Variants in MYO1F observed in about 807,000 individuals in gnomAD.
MYO1F encodes the protein myosin IF.
MYO1F carries 60 observed loss-of-function variants against 146.6 expected under a neutral mutation model. The observed-to-expected ratio is 0.41, with a 90% CI of 0.33 to 0.51. The LOEUF is 0.51. Ranked by LOEUF, MYO1F falls within the 20% of genes least tolerant of loss-of-function variation. The pLI, the probability that MYO1F is intolerant of heterozygous loss-of-function variation, is 0.25. For missense variants in MYO1F, 1,274 were observed against 1,534.3 expected (o/e 0.83, Z 2.83); for synonymous variants, 602 against 602.1 (o/e 1.00, Z 0.00).
chr19:8,537,098 G>A, intron 16 of MYO1F, 43 bp from the exon 17 acceptor site: 1 of 1,331,734 alleles, frequency 7.5e-7, no homozygotes. Context: ...GCACAGAGAT[G>A]GGACCCTCTG....
intron 4 of MYO1F, among the ~76,000 whole-genome samples, chr19:8,553,894 A>ACACACACACACACACT: frequency 7.8e-5 from 8 of 102,666 alleles, no homozygotes; most frequent in African/African-American, 2.5e-4. Flanking sequence ...ACACACACAC[A>ACACACACACACACACT]CTCTCTCTCT....
intron 23 of MYO1F, 22 bp from the exon 24 acceptor site, chr19:8,526,623 TG>T (rs935909785): frequency 6.3e-7 from 1 of 1,575,016 alleles, no homozygotes; most frequent in African/African-American, 1.3e-5. Flanking sequence ...GAAGAAAGCT[TG>T]GGGGCGCTGG....
chr19:8,543,351 A>G (rs1018088441), intron 14 of MYO1F, among the ~76,000 whole-genome samples: 1 of 151,908 alleles, frequency 6.6e-6, no homozygotes, highest in African/African-American at 2.4e-5. Flanking sequence ...AGCCTTCGGT[A>G]GGGGTCTGTA....
chr19:8,574,434 C>T (rs893179440), intron 1 of MYO1F, among the ~76,000 whole-genome samples: 3 of 152,192 alleles, frequency 2.0e-5, no homozygotes, highest in African/African-American at 7.2e-5. Flanking sequence ...ATTTTTGGCA[C>T]CAGAGACCGG....
intron 19 of MYO1F, among the ~76,000 whole-genome samples, chr19:8,533,253 T>G (rs1254322737): frequency 6.6e-6 from 1 of 152,048 alleles, no homozygotes; most frequent in East Asian, 1.9e-4. Context: ...CGTCTGGAAC[T>G]CCTGGGCTCA....
Position 8,555,524 on chromosome 19 carries a change from C to G in MYO1F, c.141+135G>C, listed in dbSNP as rs893985203. ...CCCCAACCAGAGCCCTGCTGTCACT[C>G]TGTCTGTCCTCTGTGTCACCACTTG... On this transcript the variant is annotated intron_variant, in intron 2 of 27. Coordinates refer to ENST00000644032, the MANE Select transcript of MYO1F (RefSeq NM_012335.4). 4.9e-6 allele frequency: 6 copies of G among 1,222,640 alleles called. No individual in the cohort carries two copies. In the East Asian group the frequency reaches 1.5e-4, roughly 30 times the overall value. The allele number at this position is 1,222,640 out of a possible 1,614,324, so 75.7% of individuals were successfully genotyped here.
Position 8,552,092 on chromosome 19 carries a change from C to T in MYO1F, c.577G>A (p.Glu193Lys), listed in dbSNP as rs1299092338. The stretch of plus-strand genomic sequence containing the variant: ...TTTTGCATGACCACGCGGGACTTCT[C>T]CAGCAAGAAGTTGGAGATCTTGCCC... ...DGGKISNFLL[E>K]KSRVVMQNEN... The change falls in exon 7 of 28, where the codon GAG (glutamate) becomes AAG (lysine). Residue 193 changes from glutamate to lysine, a missense_variant. Physicochemically the swap from Glu to Lys is moderately conservative, Grantham distance 56. Coordinates refer to ENST00000644032, the MANE Select transcript of MYO1F (RefSeq NM_012335.4). The T allele has an allele frequency of 6.2e-7, 1 of 1,613,946 alleles. No homozygotes were observed. The highest frequency in any genetic ancestry group is 8.5e-7 in the Non-Finnish European group (1 of 1,180,026).
At chr19:8,557,698 G>C (rs763785570) in intron 1 of MYO1F, among the ~76,000 whole-genome samples, 1 of 152,172 alleles carries the variant, frequency 6.6e-6, no homozygotes, top group Non-Finnish European at 1.5e-5. Context: ...GCAGGGCACA[G>C]AGTGCTTGGG....
rs758097575 is a variant in MYO1F, at chr19:8,544,443, C to T, written c.1378G>A (p.Val460Ile). ...NKLSPPGIMS[V>I]LDDVCATMHA... is the part of the protein sequence containing the mutation. Reference sequence around the variant, plus strand: ...ATGGTGGCGCACACGTCGTCCAAGACGCTCATGATGCCTGGGGGGCTCTGC... The same window carrying T: ...ATGGTGGCGCACACGTCGTCCAAGATGCTCATGATGCCTGGGGGGCTCTGC... Residue 460 changes from valine (V) to isoleucine (I), a missense_variant, in exon 14 of 28, where the codon GTC becomes ATC. Coordinates refer to ENST00000644032, the MANE Select transcript of MYO1F (RefSeq NM_012335.4). 103 of 1,611,408 alleles carry T rather than the reference C, an allele frequency of 6.4e-5. No homozygotes were observed. In the South Asian group the frequency reaches 7.2e-4, roughly 11 times the overall value.
At chr19:8,534,971 G>A (rs1030461837) in intron 19 of MYO1F, among the ~76,000 whole-genome samples, 6 of 151,808 alleles carry the variant, frequency 4.0e-5, no homozygotes, top group Non-Finnish European at 7.4e-5. Context: ...GAGTGCAGTG[G>A]CACGATCTTG....
rs544205106 is a variant in MYO1F, at chr19:8,541,864, G to T, written c.1610+42C>A. 55 of 1,557,710 alleles carry T rather than the reference G, an allele frequency of 3.5e-5. No homozygotes were observed. In the East Asian group the frequency reaches 4.7e-4, roughly 13 times the overall value. ...GGCCCGGTCCTCCCTCCATCCCCTT[G>T]GGGGGTTGTAGCCGGAGGTCCCCAT... On this transcript the variant is annotated intron_variant, in intron 15 of 27. Coordinates refer to ENST00000644032, the MANE Select transcript of MYO1F (RefSeq NM_012335.4).
At chr19:8,533,776 G>A (rs771847570) in intron 19 of MYO1F, among the ~76,000 whole-genome samples, 1 of 152,186 alleles carries the variant, frequency 6.6e-6, no homozygotes, top group African/African-American at 2.4e-5. Context: ...TGGAGTTTGT[G>A]GAACTTTGTT....
Position 8,551,887 on chromosome 19 carries a change from C to T in MYO1F, c.637-13G>A. On this transcript the variant is annotated splice_polypyrimidine_tract_variant and intron_variant, in intron 7 of 27. Coordinates refer to ENST00000644032, the MANE Select transcript of MYO1F (RefSeq NM_012335.4). ...CCCCTTCCAGCAGCTGGAGGGTGTG[C>T]CATGTTCATGCATCTGGTGCTTGCC... 1.2e-6 allele frequency: 2 copies of T among 1,614,052 alleles called. No homozygotes were observed. Among genetic ancestry groups the T allele is most frequent in the Non-Finnish European group, 1.7e-6 (2 of 1,180,004 alleles).
At position 8,571,764 on chromosome 19, in the gene MYO1F, AT is replaced by A. The variant is rs2042113997; in HGVS notation, c.3+5542del. ...AGGCACCCGCCACCACGCCTGGGTA[AT>A]TTTTTGTATTTTTAGTAGAGACGGG... is the stretch of plus-strand genomic sequence containing the variant. On this transcript the variant is annotated intron_variant, in intron 1 of 27. Transcript: ENST00000644032. 2.6e-5 allele frequency among the ~76,000 whole-genome samples: 4 copies of A among 151,858 alleles called. 1 individual carries two copies. The South Asian group carries it at 8.3e-4, about 32-fold the overall frequency.
chr19:8,558,629 A>G (rs546918154), intron 1 of MYO1F, among the ~76,000 whole-genome samples: 16 of 152,144 alleles, frequency 1.1e-4, no homozygotes, highest in African/African-American at 3.1e-4. Context: ...TCTCTATTCA[A>G]CACATCTCTG....
At chr19:8,553,013 G>T (rs1973679070) in intron 6 of MYO1F, 126 bp downstream of exon 6, 2 of 898,308 alleles carry the variant, frequency 2.2e-6, no homozygotes, top group African/African-American at 1.6e-5. Flanking sequence ...TCAGGAGTAG[G>T]TATTTCCTGC....
intron 12 of MYO1F, 131 bp from the exon 13 acceptor site, chr19:8,545,867 TG>T: frequency 1.4e-6 from 1 of 734,552 alleles, no homozygotes. Context: ...CACTCCTATG[TG>T]GGCAAGGCTG....
chr19:8,572,038 C>T (rs1336666966), intron 1 of MYO1F, among the ~76,000 whole-genome samples: 5 of 151,950 alleles, frequency 3.3e-5, no homozygotes, highest in African/African-American at 1.2e-4. Context: ...ACGTGGGGAC[C>T]CTTGTCTTTC....
At position 8,537,249 on chromosome 19, in the gene MYO1F, T is replaced by C. The variant is rs79662401; in HGVS notation, c.1693-194A>G. 5.0e-3 allele frequency among the ~76,000 whole-genome samples: 759 copies of C among 152,150 alleles called. 8 individuals carry two copies. The highest frequency in any genetic ancestry group is 0.016 in the African/African-American group (654 of 41,504). ...CTAGTGCACACCACACTAGTGGGACTGATGTGGGGTGTCTGCCTGACCCTG... is the reference window on the plus strand; with the variant it reads ...CTAGTGCACACCACACTAGTGGGACCGATGTGGGGTGTCTGCCTGACCCTG... On this transcript the variant is annotated intron_variant, in intron 16 of 27. Transcript: ENST00000644032.
Sources: gnomAD v4.1 joint callset for allele counts (sites outside exome capture counted in the v4.1 genomes callset) on GRCh38, gnomAD v4.1.1 for gene constraint, MANE v1.5 for transcripts, NCBI Gene and HGNC (gene_info 2026-07-23, HGNC 2026-07-21) for gene names.